The following RIC1 variants were observed in gnomAD, a reference collection of about 807,000 sequenced individuals.
RIC1 encodes guanine nucleotide exchange factor subunit RIC1.
In RIC1, 88 loss-of-function variants were observed where a neutral mutation model predicts 169.0. The observed-to-expected ratio is 0.52, with a 90% CI of 0.44 to 0.62. The LOEUF (loss-of-function observed/expected upper bound fraction) is 0.62, where lower values mean the gene tolerates loss of function less well. Among genes scored for constraint, RIC1 ranks in the 20% least tolerant of loss-of-function variants. The probability of loss-of-function intolerance (pLI) is 0.00; values close to 1 mark genes in which losing one functional copy is unlikely to be tolerated. For synonymous variants in RIC1, 790 were observed against 601.5 expected (o/e 1.31, Z -4.59); for missense variants, 1,877 against 1,725.5 (o/e 1.09, Z -1.56).
intron 8 of RIC1, among the ~76,000 whole-genome samples, chr9:5,740,291 A>G (rs1441237056): frequency 6.6e-6 from 1 of 152,142 alleles, no homozygotes; most frequent in Non-Finnish European, 1.5e-5. Context: ...GCGTACTATT[A>G]GAAATAGAGT....
chr9:5,715,436 G>C (rs1823174275), intron 4 of RIC1, among the ~76,000 whole-genome samples: 1 of 152,220 alleles, frequency 6.6e-6, no homozygotes, highest in Admixed American at 6.5e-5. Flanking sequence ...TTGGAAATCT[G>C]TAAGGTTTCT....
rs775384094 is a variant in RIC1, at chr9:5,773,960, C to T, written c.3986C>T (p.Pro1329Leu). 3.1e-5 allele frequency: 50 copies of T among 1,597,456 alleles called. No homozygotes were observed. Among genetic ancestry groups the T allele is most frequent in the Non-Finnish European group, 4.3e-5 (50 of 1,172,844 alleles). ...AVDRWASTDC[P>L]GYKPFLNIIK... ...TAATGTTTTTTTTCTCTACATAGTC[C>T]TGGATATAAGCCATTTTTAAACATC... is the stretch of plus-strand genomic sequence containing the variant. The change falls in exon 26 of 26, where the codon CCT becomes CTT. Residue 1329 changes from proline to leucine, a missense_variant and splice_region_variant. By Grantham distance (98) the Pro-to-Leu change is moderately conservative. Transcript: ENST00000414202.
chr9:5,769,888 G>A (rs1827080207), intron 22 of RIC1, among the ~76,000 whole-genome samples, 199 bp from the exon 23 acceptor site: 1 of 152,160 alleles, frequency 6.6e-6, no homozygotes, highest in African/African-American at 2.4e-5. Flanking sequence ...ACTTTTAGGT[G>A]GTATTGTGGT....
chr9:5,675,439 C>T (rs572420046), intron 2 of RIC1, among the ~76,000 whole-genome samples: 5 of 152,236 alleles, frequency 3.3e-5, no homozygotes, highest in African/African-American at 1.2e-4. Context: ...CTTAGAACTC[C>T]TATCTAACAA....
At chr9:5,773,925 G>C (rs1316168680) in intron 25 of RIC1, 33 bp from the exon 26 acceptor site, 2 of 1,525,398 alleles carry the variant, frequency 1.3e-6, no homozygotes, top group Admixed American at 2.1e-5. Context: ...TTGAATTATG[G>C]CAGATGAGCT....
chr9:5,746,650 C>T (rs1219787426), intron 11 of RIC1, among the ~76,000 whole-genome samples: 1 of 152,072 alleles, frequency 6.6e-6, no homozygotes, highest in East Asian at 1.9e-4. Flanking sequence ...CTTTTAGAAA[C>T]ACCGCCCCAA....
intron 6 of RIC1, among the ~76,000 whole-genome samples, chr9:5,730,564 AAAAG>A (rs958861940): frequency 4.3e-4 from 65 of 152,298 alleles, no homozygotes; most frequent in African/African-American, 1.5e-3. Flanking sequence ...GTAATGATTT[AAAAG>A]AAAGAAGGAG....
chr9:5,673,459 A>T (rs773766358), intron 2 of RIC1, among the ~76,000 whole-genome samples: 5 of 150,446 alleles, frequency 3.3e-5, no homozygotes, highest in Admixed American at 6.6e-5. Flanking sequence ...ATGAATGTAC[A>T]TACATACACT....
chr9:5,720,587 A>G, intron 5 of RIC1, 27 bp from the exon 6 acceptor site: 3 of 1,565,904 alleles, frequency 1.9e-6, no homozygotes, highest in South Asian at 1.2e-5. Flanking sequence ...TCTTAATCCT[A>G]TTTCATGTGC....
intron 3 of RIC1, among the ~76,000 whole-genome samples, chr9:5,701,020 G>A (rs1407132960): frequency 2.0e-5 from 3 of 152,104 alleles, no homozygotes; most frequent in Non-Finnish European, 4.4e-5. Flanking sequence ...AAAGTCTGGT[G>A]TTTAATTTCC....
At chr9:5,675,007 T>G (rs1169878317) in intron 2 of RIC1, among the ~76,000 whole-genome samples, 1 of 152,204 alleles carries the variant, frequency 6.6e-6, no homozygotes, top group African/African-American at 2.4e-5. Flanking sequence ...TTTTTAATTC[T>G]CAGCAAGGCA....
At chr9:5,766,132 T>G (rs1485436580) in intron 21 of RIC1, among the ~76,000 whole-genome samples, 1 of 152,094 alleles carries the variant, frequency 6.6e-6, no homozygotes, top group Non-Finnish European at 1.5e-5. Flanking sequence ...ACCTCCGCCT[T>G]ACAGGTTCAA....
intron 3 of RIC1, among the ~76,000 whole-genome samples, chr9:5,696,516 C>T (rs923325251): frequency 1.3e-5 from 2 of 151,998 alleles, no homozygotes; most frequent in Non-Finnish European, 2.9e-5. Flanking sequence ...CGCCCCTGTA[C>T]CCAATAAATA....
intron 24 of RIC1, 75 bp downstream of exon 24, chr9:5,772,816 C>T (rs1586737226): frequency 6.5e-7 from 1 of 1,548,088 alleles, no homozygotes; most frequent in Non-Finnish European, 8.8e-7. Flanking sequence ...GGGCTACTCT[C>T]CTAATAATCA....
At chr9:5,680,966 A>G (rs1028237791) in intron 2 of RIC1, among the ~76,000 whole-genome samples, 1 of 149,838 alleles carries the variant, frequency 6.7e-6, no homozygotes, top group African/African-American at 2.5e-5. Flanking sequence ...AGCTGGGACT[A>G]CAGGCGCCCG....
At chr9:5,717,801 C>T (rs886680668) in intron 4 of RIC1, among the ~76,000 whole-genome samples, 2 of 150,782 alleles carry the variant, frequency 1.3e-5, no homozygotes, top group Non-Finnish European at 2.9e-5. Flanking sequence ...CGCGCCACTG[C>T]ACTCTAGCCT....
chr9:5,671,096 C>T (rs1188670616), intron 2 of RIC1, among the ~76,000 whole-genome samples: 3 of 152,114 alleles, frequency 2.0e-5, no homozygotes, highest in South Asian at 4.2e-4. Context: ...AATCTTGTGA[C>T]CTCTGGAATA....
chr9:5,764,016 G>C, intron 19 of RIC1, 148 bp downstream of exon 19: 1 of 901,908 alleles, frequency 1.1e-6, no homozygotes, highest in Non-Finnish European at 1.6e-6. Flanking sequence ...AATTCAGACA[G>C]ATTCCTTTGA....
chr9:5,648,187 T>C (rs1818626720), intron 1 of RIC1, among the ~76,000 whole-genome samples: 1 of 152,162 alleles, frequency 6.6e-6, no homozygotes, highest in South Asian at 2.1e-4. Context: ...TTTTGCCATG[T>C]TGTTCAGACT....
Sources: allele counts gnomAD v4.1 joint callset (sites outside exome capture counted in the v4.1 genomes callset), GRCh38; gene constraint gnomAD v4.1.1; transcripts MANE v1.5; gene names NCBI Gene and HGNC (gene_info 2026-07-23, HGNC 2026-07-21).